Variants in NEDD4 observed in about 807,000 individuals in gnomAD.
NEDD4 encodes E3 ubiquitin-protein ligase NEDD4.
NEDD4 carries 99 observed loss-of-function variants against 144.9 expected under a neutral mutation model. The ratio of observed to expected loss-of-function variants is 0.68; its 90% CI spans 0.58 to 0.81. The LOEUF (loss-of-function observed/expected upper bound fraction) is 0.81, where lower values mean the gene tolerates loss of function less well. Ranked by LOEUF, NEDD4 falls within the 30% of genes least tolerant of loss-of-function variation. The pLI is 0.00. For synonymous variants in NEDD4, 318 were observed against 350.6 expected, an observed-to-expected ratio of 0.91 and a Z score of 1.04; for missense variants, 985 against 1,065.9, an observed-to-expected ratio of 0.92 and a Z score of 1.06.
chr15:55,832,926 A>C (rs2033022160), intron 27 of NEDD4, 82 bp downstream of exon 27: 3 of 935,344 alleles, frequency 3.2e-6, no homozygotes, highest in South Asian at 3.1e-5. Context: ...TTAGTAAATG[A>C]TGGAAGCTTG....
intron 1 of NEDD4, among the ~76,000 whole-genome samples, chr15:55,986,478 C>G (rs1158536114): frequency 6.6e-6 from 1 of 151,770 alleles, no homozygotes; most frequent in African/African-American, 2.4e-5. Context: ...TTCTATGATT[C>G]CTGCCAAGAG....
At chr15:55,955,126 A>C (rs1341918256) in intron 2 of NEDD4, among the ~76,000 whole-genome samples, 2 of 151,654 alleles carry the variant, frequency 1.3e-5, no homozygotes, top group South Asian at 4.1e-4. Flanking sequence ...GGCTCAAGCA[A>C]TCCTCCCACC....
At chr15:55,848,320 A>C in intron 17 of NEDD4, 52 bp downstream of exon 17, 2 of 1,554,844 alleles carry the variant, frequency 1.3e-6, no homozygotes, top group Non-Finnish European at 1.8e-6. Flanking sequence ...CTGCTCTTGA[A>C]GAGACAGGTG....
chr15:55,836,029 C>T (rs1043585349), intron 24 of NEDD4, among the ~76,000 whole-genome samples: 72 of 152,290 alleles, frequency 4.7e-4, no homozygotes, highest in African/African-American at 1.7e-3. Flanking sequence ...TCTCACCCAG[C>T]ATACTCAACT....
intron 2 of NEDD4, among the ~76,000 whole-genome samples, chr15:55,956,129 T>A (rs571612086): frequency 2.0e-5 from 3 of 152,278 alleles, no homozygotes; most frequent in Non-Finnish European, 4.4e-5. Flanking sequence ...TTCTTTTTTT[T>A]ATGTTTTTAA....
chr15:55,937,567 G>C (rs1039322285), intron 4 of NEDD4, among the ~76,000 whole-genome samples: 1 of 152,028 alleles, frequency 6.6e-6, no homozygotes, highest in South Asian at 2.1e-4. Flanking sequence ...AATGTAACTA[G>C]CTAAAACATT....
chr15:55,838,339 T>C (rs776610923), intron 22 of NEDD4, among the ~76,000 whole-genome samples, 159 bp from the exon 23 acceptor site: 1 of 152,168 alleles, frequency 6.6e-6, no homozygotes, highest in African/African-American at 2.4e-5. Context: ...AAAATAAATA[T>C]GGAACGAGTC....
rs200653183 is a variant in NEDD4, at chr15:55,834,080, A to G, written c.2388T>C (p.Asn796=). 19 of 1,613,732 alleles carry G rather than the reference A, an allele frequency of 1.2e-5. No homozygotes were observed. In the East Asian group the frequency reaches 3.1e-4, roughly 27 times the overall value. Residue 796 remains asparagine, a synonymous_variant, in exon 26 of 29, where the codon AAT becomes AAC. Coordinates refer to ENST00000435532, the MANE Select transcript of NEDD4 (RefSeq NM_006154.4). ...NDWREHTKYK[N]GYSANHQVIQ... ...TAACCTGATGATTTGCACTGTAGCC[A>G]TTTTTATACTTTGTATGTTCCCTCC...
chr15:55,938,844 G>C (rs1302085178), intron 4 of NEDD4, among the ~76,000 whole-genome samples: 3 of 152,036 alleles, frequency 2.0e-5, no homozygotes, highest in African/African-American at 7.2e-5. Flanking sequence ...AGTGGCTCAT[G>C]CCTGTGATCT....
At chr15:55,868,984 A>G (rs2034681010) in intron 8 of NEDD4, among the ~76,000 whole-genome samples, 1 of 152,138 alleles carries the variant, frequency 6.6e-6, no homozygotes, top group East Asian at 1.9e-4. Context: ...ACCCTATCCA[A>G]TTCTATTCCA....
At chr15:55,906,783 A>T (rs1337050502) in intron 5 of NEDD4, among the ~76,000 whole-genome samples, 3 of 152,194 alleles carry the variant, frequency 2.0e-5, no homozygotes, top group Non-Finnish European at 4.4e-5. Context: ...AAGTATAATT[A>T]AAAAATAAAT....
At chr15:55,857,479 C>T (rs2034242320) in intron 11 of NEDD4, among the ~76,000 whole-genome samples, 1 of 152,128 alleles carries the variant, frequency 6.6e-6, no homozygotes, top group African/African-American at 2.4e-5. Flanking sequence ...CAGACACACG[C>T]CACTGCACTC....
At chr15:55,833,995 A>G (rs2033077547) in intron 26 of NEDD4, 43 bp downstream of exon 26, 7 of 1,372,166 alleles carry the variant, frequency 5.1e-6, no homozygotes, top group Non-Finnish European at 7.2e-6. Flanking sequence ...ATATGATTCA[A>G]TCTATCAAAA....
At chr15:55,927,131 G>T (rs2036689119) in intron 4 of NEDD4, among the ~76,000 whole-genome samples, 1 of 149,978 alleles carries the variant, frequency 6.7e-6, no homozygotes, top group Non-Finnish European at 1.5e-5. Context: ...AGTGTAAGAT[G>T]ATTTTTTTTC....
At chr15:55,935,152 G>A (rs2036861434) in intron 4 of NEDD4, among the ~76,000 whole-genome samples, 1 of 152,032 alleles carries the variant, frequency 6.6e-6, no homozygotes, top group South Asian at 2.1e-4. Context: ...ACAGGCATGA[G>A]CCACCATGTC....
In NEDD4 at chr15:55,973,633, A is replaced by G. The variant is rs114568344; in HGVS notation, c.46-7087T>C. ...AATCAATAACAAGAGGAACTTGGAA[A>G]TTAATACAAACAAATGGAAATTAAA... On this transcript the variant is annotated intron_variant, in intron 1 of 28. Coordinates refer to ENST00000435532, the MANE Select transcript of NEDD4 (RefSeq NM_006154.4). Among the ~76,000 whole-genome samples the G allele has an allele frequency of 7.8e-3, 1,188 of 152,202 alleles. 16 individuals carry two copies. The highest frequency in any genetic ancestry group is 0.027 in the African/African-American group (1,135 of 41,546).
intron 5 of NEDD4, among the ~76,000 whole-genome samples, chr15:55,920,941 C>T (rs1237822790): frequency 4.7e-5 from 7 of 147,698 alleles, no homozygotes; most frequent in African/African-American, 1.7e-4. Context: ...TGCTGGTAAA[C>T]CGAGTTTCTC....
chr15:55,844,545 T>C (rs776621928), intron 18 of NEDD4, among the ~76,000 whole-genome samples: 36 of 152,166 alleles, frequency 2.4e-4, no homozygotes, highest in Non-Finnish European at 4.1e-4. Flanking sequence ...TCCTGTGTTA[T>C]TGACTCCACC....
chr15:55,903,840 A>C (rs1362282679), intron 5 of NEDD4, among the ~76,000 whole-genome samples: 4 of 29,272 alleles, frequency 1.4e-4, no homozygotes, highest in Admixed American at 4.6e-4. Flanking sequence ...AAAAAAAAAA[A>C]CACACATATA....
Sources: allele counts gnomAD v4.1 joint callset (sites outside exome capture counted in the v4.1 genomes callset), GRCh38; gene constraint gnomAD v4.1.1; transcripts MANE v1.5; gene names NCBI Gene and HGNC (gene_info 2026-07-23, HGNC 2026-07-21).